The following TRIM66 variants were observed in gnomAD, a reference collection of about 807,000 sequenced individuals.
The protein encoded by TRIM66 is tripartite motif containing 66.
In TRIM66, 99 loss-of-function variants were observed where a neutral mutation model predicts 148.2. The ratio of observed to expected loss-of-function variants is 0.67; its 90% CI spans 0.57 to 0.79. The LOEUF (loss-of-function observed/expected upper bound fraction) is 0.79, where lower values mean the gene tolerates loss of function less well. Ranked by LOEUF, TRIM66 falls within the 30% of genes least tolerant of loss-of-function variation. TRIM66 has a pLI of 0.00. For missense variants in TRIM66, 1,666 were observed against 1,697.9 expected, an observed-to-expected ratio of 0.98 and a Z score of 0.33; for synonymous variants, 616 against 635.9, an observed-to-expected ratio of 0.97 and a Z score of 0.47.
chr11:8,675,203 T>A (rs1235390341), intron 3 of TRIM66, among the ~76,000 whole-genome samples: 1 of 152,210 alleles, frequency 6.6e-6, no homozygotes, highest in Non-Finnish European at 1.5e-5. Flanking sequence ...TCACCTCGAA[T>A]CTCATCAGAA....
chr11:8,625,238 C>G lies in TRIM66; in HGVS notation c.2311-10G>C. ...TCAGCGAGGTGGAGTGCTGCAGGAA[C>G]AGAGACAAGGGGTAGAGTCAGGCTG... On this transcript the variant is annotated splice_polypyrimidine_tract_variant and intron_variant, in intron 15 of 24. Transcript: ENST00000646038. 6.7e-7 allele frequency: 1 copy of G among 1,488,706 alleles called. No homozygotes were observed. 92.2% of individuals were successfully genotyped at this position (1,488,706 alleles called of 1,614,324 possible).
rs2033929167 is a variant in TRIM66, at chr11:8,618,863, C to A, written c.4006G>T (p.Asp1336Tyr). 3 of 1,551,332 alleles carry A rather than the reference C, an allele frequency of 1.9e-6. No individual in the cohort carries two copies. Among genetic ancestry groups the A allele is most frequent in the South Asian group, 2.4e-5 (2 of 84,060 alleles). Residue 1336 changes from aspartate to tyrosine, a missense_variant, in exon 24 of 25, where the codon GAC becomes TAC. By Grantham distance (160) the Asp-to-Tyr change is radical (BLOSUM62 -3). Coordinates refer to ENST00000646038, the MANE Select transcript of TRIM66 (RefSeq NM_001388022.1). ...CTAGACACCTCCTCGGAGTCTGAGT[C>A]CTCCTGCCTTGGCTGGGCAAACCGT... ...EKRFAQPRQE[D>Y]SDSEEVSSES... is the part of the protein sequence containing the mutation.
chr11:8,677,846 T>C (rs2039248856), intron 3 of TRIM66, among the ~76,000 whole-genome samples: 1 of 152,202 alleles, frequency 6.6e-6, no homozygotes, highest in Non-Finnish European at 1.5e-5. Flanking sequence ...AGGAATGTAA[T>C]TGCCATGTAG....
At position 8,620,513 on chromosome 11, in the gene TRIM66, C is replaced by T; in HGVS notation, c.3605G>A (p.Cys1202Tyr). 3 of 1,551,778 alleles carry T rather than the reference C, an allele frequency of 1.9e-6. No homozygotes were observed. The highest frequency in any genetic ancestry group is 2.6e-6 in the Non-Finnish European group (3 of 1,147,020). Residue 1202 changes from cysteine (C) to tyrosine (Y), a missense_variant, in exon 21 of 25, where the codon TGT becomes TAT. Physicochemically the swap from Cys to Tyr is radical, Grantham distance 194. Around this residue, in one of 3 missense-constraint regions of TRIM66, gnomAD observed 31 missense variants for 54.4 expected, o/e 0.57. Coordinates refer to ENST00000646038, the MANE Select transcript of TRIM66 (RefSeq NM_001388022.1). Reference sequence around the variant, plus strand: ...AGGCTGGTTATAGCAGGCATTCTCACAGTCGTACTCCATCTCGGGCTGGGT... The same window carrying T: ...AGGCTGGTTATAGCAGGCATTCTCATAGTCGTACTCCATCTCGGGCTGGGT... ...SLTQPEMEYD[C>Y]ENACYNQPGM...
chr11:8,638,846 T>A (rs1565510514), intron 14 of TRIM66, 31 bp from the exon 15 acceptor site: 1 of 1,546,350 alleles, frequency 6.5e-7, no homozygotes, highest in Admixed American at 2.0e-5. Context: ...TTGGGTGGGT[T>A]TTACTGCAGA....
Position 8,617,773 on chromosome 11 carries a change from A to G in TRIM66, c.*171T>C. ...CTGAAATCTTCTCTGTAGTGGATGT[A>G]CTACGGCTCCCAAATAAATGCTGTA... On this transcript the variant is annotated 3_prime_UTR_variant, in exon 25 of 25. Transcript: ENST00000646038. 1.6e-6 allele frequency: 1 copy of G among 633,228 alleles called. No individual in the cohort carries two copies. Among genetic ancestry groups the G allele is most frequent in the Non-Finnish European group, 2.8e-6 (1 of 356,056 alleles). 39.2% of individuals were successfully genotyped at this position (633,228 alleles called of 1,614,324 possible).
intron 10 of TRIM66, among the ~76,000 whole-genome samples, chr11:8,647,017 A>G (rs1487391214): frequency 6.7e-6 from 1 of 149,540 alleles, no homozygotes; most frequent in Non-Finnish European, 1.5e-5. Flanking sequence ...TATTGGCATA[A>G]TAACATATTA....
chr11:8,631,514 C>T (rs538679605), intron 15 of TRIM66, among the ~76,000 whole-genome samples: 3 of 152,322 alleles, frequency 2.0e-5, no homozygotes, highest in Admixed American at 6.5e-5. Flanking sequence ...GAGACCATTT[C>T]TTAGTGATAT....
chr11:8,619,542 G>A lies in TRIM66; in HGVS notation c.3748-7C>T. On this transcript the variant is annotated splice_region_variant and splice_polypyrimidine_tract_variant and intron_variant, in intron 22 of 24. Coordinates refer to ENST00000646038, the MANE Select transcript of TRIM66 (RefSeq NM_001388022.1). Reference sequence around the variant, plus strand: ...TCTGGTAATAATGCCGGGCCTTGGGGGAGGAGACATGAGGAGAAGGAGGCA... The same window carrying A: ...TCTGGTAATAATGCCGGGCCTTGGGAGAGGAGACATGAGGAGAAGGAGGCA... The A allele has an allele frequency of 6.5e-7, 1 of 1,532,274 alleles. No individual in the cohort carries two copies. The highest frequency in any genetic ancestry group is 2.1e-5 in the Admixed American group (1 of 47,098). The allele number at this position is 1,532,274 out of a possible 1,614,324, so 94.9% of individuals were successfully genotyped here. A position where few individuals can be genotyped will look rare whatever the true frequency, so the allele number is the denominator to read the frequency against.
intron 15 of TRIM66, among the ~76,000 whole-genome samples, chr11:8,626,919 C>T (rs78542709): frequency 1.3e-5 from 2 of 152,324 alleles, no homozygotes; most frequent in Non-Finnish European, 2.9e-5. Flanking sequence ...ATCCTCACCC[C>T]CTTCAGATGG....
intron 6 of TRIM66, among the ~76,000 whole-genome samples, chr11:8,669,383 C>T (rs991896627): frequency 3.3e-5 from 5 of 152,176 alleles, no homozygotes; most frequent in African/African-American, 1.2e-4. Flanking sequence ...GTGGCTCACG[C>T]CTGTAATCCC....
chr11:8,655,221 A>G (rs1398544599), intron 6 of TRIM66, among the ~76,000 whole-genome samples: 1 of 152,198 alleles, frequency 6.6e-6, no homozygotes, highest in Non-Finnish European at 1.5e-5. Flanking sequence ...CACAGCACTG[A>G]AAGTAGTAAG....
intron 15 of TRIM66, among the ~76,000 whole-genome samples, chr11:8,630,239 C>T (rs1033372969): frequency 3.3e-5 from 5 of 152,098 alleles, no homozygotes; most frequent in African/African-American, 7.2e-5. Flanking sequence ...GGCTTGAGAG[C>T]GTGGCCAGGT....
intron 15 of TRIM66, among the ~76,000 whole-genome samples, chr11:8,626,218 C>T (rs1348247224): frequency 6.6e-6 from 1 of 152,048 alleles, no homozygotes; most frequent in East Asian, 1.9e-4. Flanking sequence ...AGTTTCATAT[C>T]CCTGCCCTTT....
intron 15 of TRIM66, among the ~76,000 whole-genome samples, chr11:8,633,484 G>A (rs2035603511): frequency 6.6e-6 from 1 of 151,980 alleles, no homozygotes; most frequent in Non-Finnish European, 1.5e-5. Context: ...TAGAACTAAG[G>A]AGACAGGCTT....
At chr11:8,637,349 A>G (rs1204309397) in intron 15 of TRIM66, among the ~76,000 whole-genome samples, 1 of 152,020 alleles carries the variant, frequency 6.6e-6, no homozygotes, top group Non-Finnish European at 1.5e-5. Flanking sequence ...TATGCATTAT[A>G]TATATGCATT....
At chr11:8,665,578 T>C (rs930843116) in intron 6 of TRIM66, among the ~76,000 whole-genome samples, 3 of 152,170 alleles carry the variant, frequency 2.0e-5, no homozygotes, top group African/African-American at 7.2e-5. Flanking sequence ...TGGTACACAG[T>C]AGTCAATAAA....
At chr11:8,661,033 A>G (rs971410599) in intron 6 of TRIM66, among the ~76,000 whole-genome samples, 5 of 152,204 alleles carry the variant, frequency 3.3e-5, no homozygotes, top group African/African-American at 1.2e-4. Flanking sequence ...GCCTTTAGAG[A>G]GCTAGAAGTG....
Position 8,617,680 on chromosome 11 carries a change from T to G in TRIM66, c.*264A>C. 1 of 447,762 alleles carries G rather than the reference T, an allele frequency of 2.2e-6. No individual in the cohort carries two copies. Among genetic ancestry groups the G allele is most frequent in the Non-Finnish European group, 3.9e-6 (1 of 253,884 alleles). The allele number at this position is 447,762 out of a possible 1,614,324, so 27.7% of individuals were successfully genotyped here. On this transcript the variant is annotated 3_prime_UTR_variant, in exon 25 of 25. Transcript: ENST00000646038. ...TCCCGAGCCTAACCAGGTGTGGTCT[T>G]GTCAAGTGGAGCCTATACATCTGAT...
Sources: gnomAD v4.1 joint callset for allele counts (sites outside exome capture counted in the v4.1 genomes callset) on GRCh38, gnomAD v4.1.1 for gene constraint, gnomAD v4.1.1 regional missense constraint, MANE v1.5 for transcripts, NCBI Gene and HGNC (gene_info 2026-07-23, HGNC 2026-07-21) for gene names.